RPS6KC1: variants seen among roughly 807,000 people sequenced by gnomAD.
RPS6KC1 encodes inactive ribosomal protein S6 kinase delta-1.
Under a neutral mutation model 103.8 loss-of-function variants are expected in RPS6KC1, and 54 were observed. The observed-to-expected ratio is 0.52, with a 90% CI of 0.42 to 0.65. The LOEUF (loss-of-function observed/expected upper bound fraction) is 0.65. Among genes scored for constraint, RPS6KC1 ranks in the 30% least tolerant of loss-of-function variants. The pLI, the probability that RPS6KC1 is intolerant of heterozygous loss-of-function variation, is 0.00. For missense variants in RPS6KC1, 1,151 were observed against 1,253.8 expected (o/e 0.92, Z 1.24); for synonymous variants, 439 against 438.7 (o/e 1.00, Z -0.01).
the RPS6KC1 span, among the ~76,000 whole-genome samples, chr1:213,408,378 G>A: frequency 6.6e-6 from 1 of 152,176 alleles, no homozygotes; most frequent in Non-Finnish European, 1.5e-5. Context: ...GTGGGGGTTA[G>A]TTTTATGTAT....
the RPS6KC1 span, among the ~76,000 whole-genome samples, chr1:213,595,598 C>T: frequency 6.6e-6 from 1 of 152,214 alleles, no homozygotes; most frequent in Non-Finnish European, 1.5e-5. Flanking sequence ...CTCCAGGTCT[C>T]CTCAGCTGCT....
At chr1:213,522,651 A>G in the RPS6KC1 span, among the ~76,000 whole-genome samples, 1 of 152,234 alleles carries the variant, frequency 6.6e-6, no homozygotes, top group African/African-American at 2.4e-5. Flanking sequence ...AACTTGCCAC[A>G]GCTTCTAACA....
intron 8 of RPS6KC1, 77 bp from the exon 9 acceptor site, chr1:213,230,420 C>T (rs978788825): frequency 4.5e-5 from 51 of 1,123,602 alleles, no homozygotes; most frequent in Non-Finnish European, 5.8e-5. Context: ...CTGCCCTACT[C>T]TTAAAGTTTA....
At chr1:213,497,421 A>C in the RPS6KC1 span, among the ~76,000 whole-genome samples, 1 of 152,068 alleles carries the variant, frequency 6.6e-6, no homozygotes, top group Non-Finnish European at 1.5e-5. Flanking sequence ...CCAAATAACA[A>C]TTAAACCCCA....
intron 3 of RPS6KC1, among the ~76,000 whole-genome samples, chr1:213,099,816 C>T (rs550033550): frequency 6.6e-6 from 1 of 152,310 alleles, no homozygotes; most frequent in South Asian, 2.1e-4. Flanking sequence ...TTGTGTTCAT[C>T]AGAGGTTCAT....
At chr1:213,635,612 T>C in the RPS6KC1 span, among the ~76,000 whole-genome samples, 4 of 152,114 alleles carry the variant, frequency 2.6e-5, no homozygotes, top group Non-Finnish European at 4.4e-5. Flanking sequence ...ATCGATGGAA[T>C]GTATCTCAAA....
the RPS6KC1 span, among the ~76,000 whole-genome samples, chr1:213,743,511 GA>G: frequency 3.3e-5 from 5 of 151,804 alleles, no homozygotes; most frequent in East Asian, 1.9e-4. Context: ...TAAAAGTTGA[GA>G]AAAAAAATAA....
chr1:213,479,291 C>G, the RPS6KC1 span, among the ~76,000 whole-genome samples: 1 of 151,976 alleles, frequency 6.6e-6, no homozygotes, highest in Non-Finnish European at 1.5e-5. Context: ...TATCTAGCTG[C>G]ACTAGATATT....
chr1:213,449,163 G>A, the RPS6KC1 span, among the ~76,000 whole-genome samples: 2 of 152,182 alleles, frequency 1.3e-5, no homozygotes, highest in South Asian at 2.1e-4. Context: ...CTGCTGTGCC[G>A]TGGTGGAGTT....
the RPS6KC1 span, among the ~76,000 whole-genome samples, chr1:213,385,989 T>G: frequency 6.6e-6 from 1 of 152,214 alleles, no homozygotes; most frequent in Non-Finnish European, 1.5e-5. Flanking sequence ...TGAATGTTTG[T>G]GCCCCTAAAC....
chr1:213,205,567 T>TATA (rs57191154), intron 8 of RPS6KC1, among the ~76,000 whole-genome samples: 2 of 138,670 alleles, frequency 1.4e-5, no homozygotes, highest in African/African-American at 5.2e-5. Context: ...TATATATATA[T>TATA]TTCAAAAGAA....
At chr1:213,075,711 GTTTA>G (rs1478109055) in intron 2 of RPS6KC1, among the ~76,000 whole-genome samples, 1 of 151,940 alleles carries the variant, frequency 6.6e-6, no homozygotes, top group Non-Finnish European at 1.5e-5. Context: ...GTGTTCTTCA[GTTTA>G]TTTATCATTT....
At chr1:213,259,911 G>A (rs550887192) in intron 12 of RPS6KC1, among the ~76,000 whole-genome samples, 19 of 151,604 alleles carry the variant, frequency 1.3e-4, no homozygotes, top group Non-Finnish European at 1.9e-4. Flanking sequence ...GCTAATTTTT[G>A]TATTTTTAAT....
At chr1:213,487,639 G>A in the RPS6KC1 span, among the ~76,000 whole-genome samples, 1 of 152,062 alleles carries the variant, frequency 6.6e-6, no homozygotes, top group Non-Finnish European at 1.5e-5. Flanking sequence ...TAATTCATCT[G>A]GAATCAGGCT....
the RPS6KC1 span, among the ~76,000 whole-genome samples, chr1:213,829,627 C>T: frequency 6.6e-5 from 10 of 152,136 alleles, no homozygotes; most frequent in African/African-American, 2.4e-4. Flanking sequence ...CGAACCAAGA[C>T]ATTCAGATTG....
chr1:213,721,999 C>G, the RPS6KC1 span, among the ~76,000 whole-genome samples: 2,091 of 152,214 alleles, frequency 0.014, 42 homozygotes, highest in African/African-American at 0.046. Flanking sequence ...AGCTTCTCCC[C>G]TCCGTGCCCA....
chr1:213,782,528 T>A, the RPS6KC1 span, among the ~76,000 whole-genome samples: 9 of 151,912 alleles, frequency 5.9e-5, no homozygotes, highest in Non-Finnish European at 1.2e-4. Context: ...ACACATAGTG[T>A]CCACGTAGCT....
At chr1:213,222,004 T>C (rs1051114530) in intron 8 of RPS6KC1, among the ~76,000 whole-genome samples, 3 of 152,206 alleles carry the variant, frequency 2.0e-5, no homozygotes, top group East Asian at 1.9e-4. Context: ...CAAAGAGATA[T>C]TTCCTTTTGT....
chr1:213,261,714 C>T, intron 13 of RPS6KC1, 74 bp downstream of exon 13: 1 of 1,295,580 alleles, frequency 7.7e-7, no homozygotes, highest in East Asian at 2.3e-5. Flanking sequence ...CATTAGCCTT[C>T]ACCCTTAGTT....
Sources: allele counts gnomAD v4.1 joint callset (sites outside exome capture counted in the v4.1 genomes callset), GRCh38; gene constraint gnomAD v4.1.1; transcripts MANE v1.5; gene names NCBI Gene and HGNC (gene_info 2026-07-23, HGNC 2026-07-21).